SGCG: variants seen among roughly 807,000 people sequenced by gnomAD.
The protein encoded by SGCG is gamma-sarcoglycan.
SGCG carries 26 observed loss-of-function variants against 29.3 expected under a neutral mutation model. The observed-to-expected ratio is 0.89, with a 90% CI of 0.65 to 1.23. The LOEUF is 1.23. Ranked by LOEUF, SGCG falls within the 50% of genes most tolerant of loss-of-function variation. The pLI is 0.00. For missense variants in SGCG, 353 were observed against 356.0 expected, an observed-to-expected ratio of 0.99 and a Z score of 0.07; for synonymous variants, 145 against 129.7, an observed-to-expected ratio of 1.12 and a Z score of -0.80.
At chr13:23,286,444 C>T (rs76181001) in intron 5 of SGCG, among the ~76,000 whole-genome samples, 4,357 of 152,254 alleles carry the variant, frequency 0.029, 110 homozygotes, top group East Asian at 0.15. Context: ...GATCGGTAAC[C>T]TTAACTTCAC....
chr13:23,237,588 T>A (rs1408673397), intron 3 of SGCG, among the ~76,000 whole-genome samples: 1 of 152,198 alleles, frequency 6.6e-6, no homozygotes, highest in Non-Finnish European at 1.5e-5. Context: ...TAAAGCAGCA[T>A]ACCTGAGGGG....
chr13:23,248,418 C>G (rs1379266749), intron 3 of SGCG, among the ~76,000 whole-genome samples: 1 of 152,064 alleles, frequency 6.6e-6, no homozygotes, highest in East Asian at 1.9e-4. Flanking sequence ...AAAGCACAAT[C>G]TGGCCAGGCG....
At chr13:23,292,348 G>T (rs1881746983) in intron 5 of SGCG, among the ~76,000 whole-genome samples, 1 of 152,214 alleles carries the variant, frequency 6.6e-6, no homozygotes, top group Non-Finnish European at 1.5e-5. Flanking sequence ...GGCCTCAAGT[G>T]ATCTGCCTGC....
chr13:23,224,342 C>T (rs1878804685), intron 2 of SGCG, among the ~76,000 whole-genome samples: 1 of 152,190 alleles, frequency 6.6e-6, no homozygotes. Flanking sequence ...ATAGTATACA[C>T]ATCTACTACA....
chr13:23,304,979 TCACAGGCGTGCACGTGCTCA>T (rs1327395010), intron 6 of SGCG, among the ~76,000 whole-genome samples: 1 of 87,832 alleles, frequency 1.1e-5, no homozygotes, highest in Non-Finnish European at 2.4e-5. Flanking sequence ...TTGCACGTGC[TCACAGGCGTGCACGTGCTCA>T]CACACACACA....
intron 6 of SGCG, among the ~76,000 whole-genome samples, chr13:23,298,800 T>A (rs1442313360): frequency 2.0e-5 from 3 of 152,200 alleles, no homozygotes; most frequent in South Asian, 2.1e-4. Context: ...TCCCATTAAA[T>A]CTTCTCACTG....
At chr13:23,234,486 A>G (rs192528346) in intron 2 of SGCG, 125 bp from the exon 3 acceptor site, 63 of 700,764 alleles carry the variant, frequency 9.0e-5, no homozygotes, top group Non-Finnish European at 1.4e-4. Context: ...TAAATACACT[A>G]GGAGAAATGC....
intron 3 of SGCG, among the ~76,000 whole-genome samples, chr13:23,242,007 A>AATT (rs1474987359): frequency 1.3e-5 from 2 of 152,242 alleles, no homozygotes; most frequent in East Asian, 3.8e-4. Flanking sequence ...TTAGAAGATC[A>AATT]ATAAAAATTG....
intron 6 of SGCG, among the ~76,000 whole-genome samples, chr13:23,306,679 G>C (rs1352942772): frequency 6.6e-6 from 1 of 152,040 alleles, no homozygotes; most frequent in East Asian, 1.9e-4. Context: ...TTCTTAACTT[G>C]AACAATGAAA....
intron 2 of SGCG, 141 bp from the exon 3 acceptor site, chr13:23,234,470 A>C: frequency 1.7e-6 from 1 of 582,724 alleles, no homozygotes; most frequent in Non-Finnish European, 3.0e-6. Context: ...TAAAGATGCA[A>C]AGTTTTAAAT....
chr13:23,280,721 A>T (rs1172416452), intron 5 of SGCG, among the ~76,000 whole-genome samples: 1 of 152,226 alleles, frequency 6.6e-6, no homozygotes, highest in East Asian at 1.9e-4. Flanking sequence ...CCTAACTTCT[A>T]AAAGTGAGTT....
intron 6 of SGCG, among the ~76,000 whole-genome samples, chr13:23,298,817 C>T (rs887513175): frequency 1.3e-5 from 2 of 152,168 alleles, no homozygotes; most frequent in African/African-American, 4.8e-5. Flanking sequence ...ACTGTATATA[C>T]GGCAGGCTCT....
chr13:23,238,956 A>G (rs1296947884), intron 3 of SGCG, among the ~76,000 whole-genome samples: 3 of 152,182 alleles, frequency 2.0e-5, no homozygotes, highest in Non-Finnish European at 2.9e-5. Flanking sequence ...AGAAAGCAAC[A>G]GAGTATCAGT....
the SGCG span, among the ~76,000 whole-genome samples, chr13:23,174,292 G>A: frequency 2.0e-5 from 3 of 152,228 alleles, no homozygotes; most frequent in African/African-American, 4.8e-5. Flanking sequence ...CACCAATACC[G>A]CAGAAAAAGG....
At chr13:23,207,517 G>A (rs770329384) in intron 2 of SGCG, among the ~76,000 whole-genome samples, 3 of 152,192 alleles carry the variant, frequency 2.0e-5, no homozygotes, top group Non-Finnish European at 4.4e-5. Context: ...AATCAGCAGA[G>A]TGAAAAGGCA....
chr13:23,206,578 TC>T (rs1877989037), intron 2 of SGCG, among the ~76,000 whole-genome samples: 1 of 152,234 alleles, frequency 6.6e-6, no homozygotes, highest in Admixed American at 6.5e-5. Flanking sequence ...TAGGTTTTTT[TC>T]CACATCTTGA....
chr13:23,181,283 T>C (rs1230342235), intron 1 of SGCG, among the ~76,000 whole-genome samples: 2 of 152,216 alleles, frequency 1.3e-5, no homozygotes, highest in African/African-American at 4.8e-5. Flanking sequence ...TGACTACAAA[T>C]ATGCTACATA....
chr13:23,187,480 A>AG (rs1291937140), intron 1 of SGCG, among the ~76,000 whole-genome samples: 3 of 152,148 alleles, frequency 2.0e-5, no homozygotes, highest in Non-Finnish European at 2.9e-5. Context: ...GTCAGCGAGG[A>AG]GGTTTTCTCT....
the SGCG span, among the ~76,000 whole-genome samples, chr13:23,162,126 G>C: frequency 6.6e-6 from 1 of 152,148 alleles, no homozygotes; most frequent in East Asian, 1.9e-4. Flanking sequence ...ACCTCTCAGA[G>C]ATAACCAGGA....
Sources: gnomAD v4.1 joint callset for allele counts (sites outside exome capture counted in the v4.1 genomes callset) on GRCh38, gnomAD v4.1.1 for gene constraint, MANE v1.5 for transcripts, NCBI Gene and HGNC (gene_info 2026-07-23, HGNC 2026-07-21) for gene names.